The following FGF21 variants were observed in gnomAD, a reference collection of about 807,000 sequenced individuals.
The protein encoded by FGF21 is fibroblast growth factor 21.
A neutral mutation model predicts 13.4 loss-of-function variants in FGF21; 13 were observed. That is an observed-to-expected ratio of 0.97 (90% CI 0.63 to 1.54). The LOEUF (loss-of-function observed/expected upper bound fraction) is 1.54. Among genes scored for constraint, FGF21 ranks in the 40% most tolerant of loss-of-function variants. The pLI is 0.00. For synonymous variants in FGF21, 124 were observed against 123.6 expected, an observed-to-expected ratio of 1.00 and a Z score of -0.02; for missense variants, 303 against 272.4, an observed-to-expected ratio of 1.11 and a Z score of -0.79.
In FGF21 at chr19:48,756,979, A is replaced by G; in HGVS notation, c.289A>G (p.Lys97Glu). 2 of 1,614,114 alleles carry G rather than the reference A, an allele frequency of 1.2e-6. No individual in the cohort carries two copies. The highest frequency in any genetic ancestry group is 1.7e-6 in the Non-Finnish European group (2 of 1,179,992). ...GGGAGTTATTCAAATCTTGGGAGTC[A>G]AGACATCCAGGTTCCTGTGCCAGCG... ...KPGVIQILGV[K>E]TSRFLCQRPD... Residue 97 changes from lysine (K) to glutamate (E), a missense_variant, in exon 3 of 4, where the codon AAG becomes GAG. Transcript: ENST00000593756.
rs953461314 is a variant in FGF21 at position 48,757,037 on chromosome 19, T to G, written c.339+8T>G. On this transcript the variant is annotated splice_region_variant and intron_variant, in intron 3 of 3. Coordinates refer to ENST00000593756, the MANE Select transcript of FGF21 (RefSeq NM_019113.4). The stretch of plus-strand genomic sequence containing the variant: ...GGGGCCCTGTATGGATCGGTGAGTT[T>G]CCAGGACCCTCCTCACCACCCACCA... 2 of 1,605,312 alleles carry G rather than the reference T, an allele frequency of 1.2e-6. No homozygotes were observed. The highest frequency in any genetic ancestry group is 4.5e-5 in the East Asian group (2 of 44,822).
At chr19:48,756,597 A>AGGGAGGAGAGG in intron 2 of FGF21, 126 bp downstream of exon 2, 1 of 193,980 alleles carries the variant, frequency 5.2e-6, no homozygotes, top group African/African-American at 5.9e-5. Flanking sequence ...GGGGATCTGG[A>AGGGAGGAGAGG]CTCCTGGGTC....
intron 3 of FGF21, among the ~76,000 whole-genome samples, chr19:48,757,572 C>G (rs987832981): frequency 6.6e-6 from 1 of 151,750 alleles, no homozygotes; most frequent in African/African-American, 2.4e-5. Flanking sequence ...GGCTGGGGGC[C>G]TGGACTCCTG....
At chr19:48,757,739 G>T (rs896625642) in intron 3 of FGF21, among the ~76,000 whole-genome samples, 191 bp from the exon 4 acceptor site, 1 of 146,174 alleles carries the variant, frequency 6.8e-6, no homozygotes, top group Non-Finnish European at 1.5e-5. Flanking sequence ...GTCTGAGGGA[G>T]GAGGCGCTGG....
chr19:48,756,881 G>T (rs201215456), intron 2 of FGF21, 45 bp from the exon 3 acceptor site: 1 of 1,460,784 alleles, frequency 6.8e-7, no homozygotes, highest in Admixed American at 1.7e-5. Context: ...GGACAGTCCC[G>T]GGTGGGAGAG....
chr19:48,756,880 C>G (rs539413815), intron 2 of FGF21, 46 bp from the exon 3 acceptor site: 6 of 1,467,796 alleles, frequency 4.1e-6, no homozygotes, highest in East Asian at 2.3e-5. Context: ...GGGACAGTCC[C>G]GGGTGGGAGA....
At position 48,756,248 on chromosome 19, in the gene FGF21, C is replaced by A. The variant is rs41308770; in HGVS notation, c.12C>A (p.Asp4Glu). The A allele has an allele frequency of 1.2e-6, 2 of 1,613,334 alleles. No individual in the cohort carries two copies. Among genetic ancestry groups the A allele is most frequent in the Non-Finnish European group, 1.7e-6 (2 of 1,179,488 alleles). ...GACCCGAGCCATTGATGGACTCGGACGAGACCGGGTTCGAGCACTCAGGAC... is the reference window on the plus strand; with the variant it reads ...GACCCGAGCCATTGATGGACTCGGAAGAGACCGGGTTCGAGCACTCAGGAC... MDS[D>E]ETGFEHSGLW... Residue 4 changes from aspartate (D) to glutamate (E), a missense_variant, in exon 2 of 4, where the codon GAC (aspartate) becomes GAA (glutamate). Coordinates refer to ENST00000593756, the MANE Select transcript of FGF21 (RefSeq NM_019113.4).
At position 48,756,504 on chromosome 19, in the gene FGF21, G is replaced by C. The variant is rs989506580; in HGVS notation, c.235+33G>C. On this transcript the variant is annotated intron_variant, in intron 2 of 3. Transcript: ENST00000593756. ...TGGGCCAGAGCCTGGGTCTGAGGGA[G>C]GAGGGGCTGTGGGTCTGGATTCCTG... The C allele has an allele frequency of 7.6e-6, 12 of 1,587,860 alleles. No homozygotes were observed. In the Admixed American group the frequency reaches 1.4e-4, roughly 18 times the overall value.
rs2034139617 is a variant in FGF21, at chr19:48,758,047, CA to C, written c.458del (p.His153ProfsTer42). ...PLHLPGNKSP[H>X]RDPAPRGPAR... is the part of the protein sequence containing the mutation. ...GCACCTGCCAGGGAACAAGTCCCCA[CA>C]CCGGGACCCTGCACCCCGAGGACCA... On this transcript the variant is annotated frameshift_variant, in exon 4 of 4. Transcript: ENST00000593756. LOFTEE classifies it low-confidence loss of function (END_TRUNC). 6.2e-7 allele frequency: 1 copy of C among 1,613,328 alleles called. No individual in the cohort carries two copies. The highest frequency in any genetic ancestry group is 8.5e-7 in the Non-Finnish European group (1 of 1,179,846).
rs748313785 is a variant in FGF21 at position 48,758,100 on chromosome 19, G to GC, written c.516dup (p.Ala173ArgfsTer75). On this transcript the variant is annotated frameshift_variant, in exon 4 of 4. Coordinates refer to ENST00000593756, the MANE Select transcript of FGF21 (RefSeq NM_019113.4). LOFTEE classifies it low-confidence loss of function (END_TRUNC). ...CTCGCTTCCTGCCACTACCAGGCCT[G>GC]CCCCCCGCACTCCCGGAGCCACCCG... 3 of 1,611,034 alleles carry GC rather than the reference G, an allele frequency of 1.9e-6. No homozygotes were observed. Among genetic ancestry groups the GC allele is most frequent in the South Asian group, 1.1e-5 (1 of 90,914 alleles).
intron 2 of FGF21, 139 bp downstream of exon 2, chr19:48,756,610 A>AGTT: frequency 8.0e-6 from 4 of 497,712 alleles, no homozygotes; most frequent in Non-Finnish European, 1.2e-5. Flanking sequence ...CCTGGGTCTG[A>AGTT]GGGAGGAGGG....
intron 2 of FGF21, 119 bp downstream of exon 2, chr19:48,756,590 GA>G (rs2034101228): frequency 2.0e-5 from 5 of 250,150 alleles, no homozygotes; most frequent in African/African-American, 8.7e-5. Flanking sequence ...AGGGGCTGGG[GA>G]TCTGGACTCC....
chr19:48,758,062 C>G lies in FGF21; in HGVS notation c.472C>G (p.Pro158Ala), dbSNP rs780439354. The change falls in exon 4 of 4, where the codon CCC (proline) becomes GCC (alanine). Residue 158 changes from proline (P) to alanine (A), a missense_variant. Transcript: ENST00000593756. ...GNKSPHRDPAPRGPARFLPLP... is the reference protein window; with the variant it reads ...GNKSPHRDPAARGPARFLPLP... ...CAAGTCCCCACACCGGGACCCTGCA[C>G]CCCGAGGACCAGCTCGCTTCCTGCC... 8.7e-6 allele frequency: 14 copies of G among 1,613,044 alleles called. No individual in the cohort carries two copies. In the East Asian group the frequency reaches 2.7e-4, roughly 31 times the overall value.
Position 48,757,039 on chromosome 19 carries a change from C to T in FGF21, c.339+10C>T. ...GGCCCTGTATGGATCGGTGAGTTTC[C>T]AGGACCCTCCTCACCACCCACCATG... On this transcript the variant is annotated intron_variant, in intron 3 of 3. Transcript: ENST00000593756. 1 of 1,605,234 alleles carries T rather than the reference C, an allele frequency of 6.2e-7. No individual in the cohort carries two copies. Among genetic ancestry groups the T allele is most frequent in the South Asian group, 1.1e-5 (1 of 90,858 alleles).
At chr19:48,757,823 G>A (rs900571991) in intron 3 of FGF21, 107 bp from the exon 4 acceptor site, 3 of 1,086,100 alleles carry the variant, frequency 2.8e-6, no homozygotes, top group Non-Finnish European at 2.6e-6. Context: ...GAGGCGCTGG[G>A]GGCCTGGACC....
At chr19:48,757,181 G>A (rs2034119226) in intron 3 of FGF21, 152 bp downstream of exon 3, 1 of 641,342 alleles carries the variant, frequency 1.6e-6, no homozygotes, top group Non-Finnish European at 2.7e-6. Flanking sequence ...GGAGGTTGAA[G>A]TTGTCATCAG....
In FGF21 at chr19:48,756,022, T is replaced by C. The variant is rs1170870709; in HGVS notation, c.-215T>C. On this transcript the variant is annotated 5_prime_UTR_variant, in exon 2 of 4. Transcript: ENST00000593756. ...CATGGTTCAGGCGCAGGGAGGGTGA[T>C]TGGGCGGGCCTGTCTGGGTATAAAT... is the stretch of plus-strand genomic sequence containing the variant. The C allele has an allele frequency of 7.1e-6, 4 of 564,772 alleles. No homozygotes were observed. Among genetic ancestry groups the C allele is most frequent in the African/African-American group, 1.9e-5 (1 of 53,126 alleles). 35.0% of individuals were successfully genotyped at this position (564,772 alleles called of 1,614,324 possible). A position where few individuals can be genotyped will look rare whatever the true frequency, so the allele number is the denominator to read the frequency against.
At position 48,755,949 on chromosome 19, in the gene FGF21, C is replaced by T; in HGVS notation, c.-288C>T. On this transcript the variant is annotated 5_prime_UTR_variant, in exon 2 of 4. Coordinates refer to ENST00000593756, the MANE Select transcript of FGF21 (RefSeq NM_019113.4). Reference sequence around the variant, plus strand: ...CAGGTTACATCATCCATTCAGGCTGCCCTTGCCACGATGGAATTCTGTAGC... The same window carrying T: ...CAGGTTACATCATCCATTCAGGCTGTCCTTGCCACGATGGAATTCTGTAGC... The T allele has an allele frequency of 2.5e-6, 1 of 397,350 alleles. No individual in the cohort carries two copies. Among genetic ancestry groups the T allele is most frequent in the Non-Finnish European group, 4.6e-6 (1 of 218,516 alleles). The allele number at this position is 397,350 out of a possible 1,614,324, so 24.6% of individuals were successfully genotyped here.
rs1176960463 is a variant in FGF21 at position 48,755,567 on chromosome 19, C to A, written c.-564C>A. ...GGCCCACGGCCAGGTGAGAGGCTTC[C>A]AAGGCAGGATACTTGTGTCTCAGAT... On this transcript the variant is annotated 5_prime_UTR_variant, in exon 1 of 4. Transcript: ENST00000593756. 6.6e-6 allele frequency: 1 copy of A among 152,248 alleles called. No homozygotes were observed. Among genetic ancestry groups the A allele is most frequent in the Non-Finnish European group, 1.5e-5 (1 of 68,088 alleles). 9.4% of individuals were successfully genotyped at this position (152,248 alleles called of 1,614,324 possible).
Sources: gnomAD v4.1 joint callset for allele counts (sites outside exome capture counted in the v4.1 genomes callset) on GRCh38, gnomAD v4.1.1 for gene constraint, MANE v1.5 for transcripts, NCBI Gene and HGNC (gene_info 2026-07-23, HGNC 2026-07-21) for gene names.